TYRP1: variants seen among roughly 807,000 people sequenced by gnomAD.
TYRP1 encodes 5,6-dihydroxyindole-2-carboxylic acid oxidase.
A neutral mutation model predicts 42.8 loss-of-function variants in TYRP1; 49 were observed. The observed-to-expected ratio is 1.14, with a 90% CI of 0.91 to 1.45. The LOEUF is 1.45. Ranked by LOEUF, TYRP1 falls within the 40% of genes most tolerant of loss-of-function variation. The pLI, the probability that TYRP1 is intolerant of heterozygous loss-of-function variation, is 0.00. For missense variants in TYRP1, 848 were observed against 662.0 expected (o/e 1.28, Z -3.08); for synonymous variants, 279 against 235.4 (o/e 1.19, Z -1.69).
At chr9:12,698,402 A>G (rs1320535055) in intron 3 of TYRP1, 49 bp from the exon 4 acceptor site, 1 of 1,548,466 alleles carries the variant, frequency 6.5e-7, no homozygotes, top group Non-Finnish European at 8.9e-7. Context: ...ACAGAAATGA[A>G]TAATTGTAAA....
chr9:12,696,687 C>T (rs562573954), intron 3 of TYRP1, among the ~76,000 whole-genome samples: 16 of 152,098 alleles, frequency 1.1e-4, no homozygotes, highest in Admixed American at 5.2e-4. Context: ...TATCTAGTTA[C>T]GTAGATTCTT....
intron 6 of TYRP1, among the ~76,000 whole-genome samples, chr9:12,706,376 G>A (rs1473544092): frequency 6.6e-6 from 1 of 151,932 alleles, no homozygotes; most frequent in African/African-American, 2.4e-5. Context: ...TGTGTATCTT[G>A]GCTGAAAATA....
chr9:12,694,619 C>A, intron 2 of TYRP1: 1 of 564,292 alleles, frequency 1.8e-6, no homozygotes, highest in East Asian at 3.1e-5. Flanking sequence ...TGAGCAACCA[C>A]TATATCCTAG....
intron 5 of TYRP1, among the ~76,000 whole-genome samples, chr9:12,703,887 G>GTGTGTGTC (rs1442463613): frequency 1.4e-5 from 2 of 138,404 alleles, no homozygotes. Context: ...ATATATATGT[G>GTGTGTGTC]TGTGTGTGTG....
At chr9:12,705,443 T>C (rs1273979149) in intron 6 of TYRP1, among the ~76,000 whole-genome samples, 2 of 152,068 alleles carry the variant, frequency 1.3e-5, no homozygotes, top group African/African-American at 4.8e-5. Flanking sequence ...GATTTATGTA[T>C]CCATTAGGCA....
At position 12,702,546 on chromosome 9, in the gene TYRP1, G is replaced by T. The variant is rs555746533; in HGVS notation, c.1081+108G>T. On this transcript the variant is annotated intron_variant, in intron 5 of 7. Transcript: ENST00000388918. ...GCTTTGAATAGTATATTAATCCTGTGTGTTTATGTGAATGAGATTTTCTAT... is the reference window on the plus strand; with the variant it reads ...GCTTTGAATAGTATATTAATCCTGTTTGTTTATGTGAATGAGATTTTCTAT... 2.4e-5 allele frequency: 27 copies of T among 1,136,076 alleles called. No homozygotes were observed. In the South Asian group the frequency reaches 3.6e-4, roughly 15 times the overall value. The allele number at this position is 1,136,076 out of a possible 1,614,324, so 70.4% of individuals were successfully genotyped here.
Position 12,709,166 on chromosome 9 carries a change from A to T in TYRP1, c.1598A>T (p.Asn533Ile). The stretch of plus-strand genomic sequence containing the variant: ...GAATATGAAAAACTCCAGAATCCTA[A>T]TCAGTCTGTGGTCTAACAAATGCCC... ...AEEYEKLQNP[N>I]QSVV The change falls in exon 8 of 8, where the codon AAT (asparagine) becomes ATT (isoleucine). Residue 533 changes from asparagine (N) to isoleucine (I), a missense_variant. Transcript: ENST00000388918. 1 of 1,612,470 alleles carries T rather than the reference A, an allele frequency of 6.2e-7. No homozygotes were observed. Among genetic ancestry groups the T allele is most frequent in the Non-Finnish European group, 8.5e-7 (1 of 1,178,922 alleles).
In TYRP1 at chr9:12,694,299, C is replaced by T. The variant is rs1390090616; in HGVS notation, c.303C>T (p.Cys101=). Residue 101 remains cysteine (C), a synonymous_variant, in exon 2 of 8, where the codon TGC becomes TGT. Transcript: ENST00000388918. ...PLRFFNRTCH[C]NGNFSGHNCG... is the part of the protein sequence containing the mutation. ...GCTTCTTCAATAGGACATGTCACTG[C>T]AACGGCAATTTCTCAGGACACAACT... The T allele has an allele frequency of 2.5e-6, 4 of 1,613,998 alleles. No homozygotes were observed. Among genetic ancestry groups the T allele is most frequent in the Middle Eastern group, 1.6e-4 (1 of 6,062 alleles).
In TYRP1 at chr9:12,693,952, G is replaced by C; in HGVS notation, c.-45G>C. 1 of 1,611,578 alleles carries C rather than the reference G, an allele frequency of 6.2e-7. No individual in the cohort carries two copies. Among genetic ancestry groups the C allele is most frequent in the Non-Finnish European group, 8.5e-7 (1 of 1,179,730 alleles). ...CGTGCTTCAGTCTTCTCTACACAAA[G>C]AGCTGCAAACCAGGTCTTTGTTTTG... On this transcript the variant is annotated 5_prime_UTR_variant, in exon 2 of 8. Coordinates refer to ENST00000388918, the MANE Select transcript of TYRP1 (RefSeq NM_000550.3).
At position 12,702,408 on chromosome 9, in the gene TYRP1, T is replaced by C. The variant is rs1418117921; in HGVS notation, c.1051T>C (p.Ser351Pro). The C allele has an allele frequency of 6.2e-7, 1 of 1,612,892 alleles. No homozygotes were observed. Among genetic ancestry groups the C allele is most frequent in the African/African-American group, 1.3e-5 (1 of 74,872 alleles). The change falls in exon 5 of 8, where the codon TCT becomes CCT. Residue 351 changes from serine to proline, a missense_variant. Transcript: ENST00000388918. ...TGACACGCCTCCTTTTTATTCCAAC[T>C]CTACAAACAGTTTCCGAAACACAGT... ...LFDTPPFYSN[S>P]TNSFRNTVEG...
At position 12,702,317 on chromosome 9, in the gene TYRP1, C is replaced by T; in HGVS notation, c.960C>T (p.Ala320=). The T allele has an allele frequency of 6.2e-7, 1 of 1,613,136 alleles. No individual in the cohort carries two copies. Among genetic ancestry groups the T allele is most frequent in the Non-Finnish European group, 8.5e-7 (1 of 1,179,494 alleles). The change falls in exon 5 of 8, where the codon GCC becomes GCT. Residue 320 remains alanine (A), a synonymous_variant. Transcript: ENST00000388918. ...PIRRNPAGNV[A]RPMVQRLPEP... is the part of the protein sequence containing the mutation. ...GGAGAAATCCAGCTGGAAATGTGGC[C>T]AGACCAATGGTGCAACGTCTTCCTG...
At chr9:12,699,214 T>A (rs1293462322) in intron 4 of TYRP1, among the ~76,000 whole-genome samples, 1 of 152,090 alleles carries the variant, frequency 6.6e-6, no homozygotes, top group Non-Finnish European at 1.5e-5. Context: ...GTGAACACAG[T>A]AAGAGTACGC....
intron 4 of TYRP1, among the ~76,000 whole-genome samples, chr9:12,700,921 T>C (rs965308932): frequency 6.6e-6 from 1 of 152,032 alleles, no homozygotes; most frequent in Non-Finnish European, 1.5e-5. Flanking sequence ...TATTTAAATT[T>C]CATTATGCTA....
chr9:12,710,064 T>A lies in TYRP1; in HGVS notation c.*882T>A, dbSNP rs558528035. 2 of 151,918 alleles carry A rather than the reference T, an allele frequency of 1.3e-5. No individual in the cohort carries two copies. Among genetic ancestry groups the A allele is most frequent in the African/African-American group, 4.8e-5 (2 of 41,538 alleles). The allele number at this position is 151,918 out of a possible 1,614,324, so 9.4% of individuals were successfully genotyped here. On this transcript the variant is annotated 3_prime_UTR_variant, in exon 8 of 8. Coordinates refer to ENST00000388918, the MANE Select transcript of TYRP1 (RefSeq NM_000550.3). ...TATCATTTATCAGCCTTTTATGTAT[T>A]TTCCAAGTAAAATATTAACATATTA...
At chr9:12,708,413 G>A (rs1317901270) in intron 7 of TYRP1, among the ~76,000 whole-genome samples, 2 of 151,842 alleles carry the variant, frequency 1.3e-5, no homozygotes, top group African/African-American at 2.4e-5. Context: ...TCACAAATAA[G>A]GAAGCTGAGG....
At chr9:12,702,666 C>G (rs369809570) in intron 5 of TYRP1, among the ~76,000 whole-genome samples, 32 of 152,114 alleles carry the variant, frequency 2.1e-4, no homozygotes, top group African/African-American at 7.0e-4. Context: ...AAATCATGCT[C>G]TAATTTCTTA....
At chr9:12,696,716 C>T (rs562011192) in intron 3 of TYRP1, among the ~76,000 whole-genome samples, 62 of 151,988 alleles carry the variant, frequency 4.1e-4, no homozygotes, top group African/African-American at 1.4e-3. Flanking sequence ...TTTCTTTTAC[C>T]AACTGCTCTG....
intron 3 of TYRP1, among the ~76,000 whole-genome samples, chr9:12,697,557 G>C (rs1028410843): frequency 2.0e-5 from 3 of 152,094 alleles, no homozygotes; most frequent in African/African-American, 7.2e-5. Context: ...AAGTGAAAAA[G>C]TAGAAATATA....
At chr9:12,705,903 T>C (rs1818250762) in intron 6 of TYRP1, among the ~76,000 whole-genome samples, 1 of 152,164 alleles carries the variant, frequency 6.6e-6, no homozygotes, top group African/African-American at 2.4e-5. Flanking sequence ...TGTATTTATA[T>C]ACATAATGAC....
Sources: allele counts gnomAD v4.1 joint callset (sites outside exome capture counted in the v4.1 genomes callset), GRCh38; gene constraint gnomAD v4.1.1; transcripts MANE v1.5; gene names NCBI Gene and HGNC (gene_info 2026-07-23, HGNC 2026-07-21).